GJC1: variants seen among roughly 807,000 people sequenced by gnomAD.
The protein encoded by GJC1 is gap junction gamma-1 protein.
In GJC1, 5 loss-of-function variants were observed where a neutral mutation model predicts 29.3. The ratio of observed to expected loss-of-function variants is 0.17; its 90% CI spans 0.09 to 0.36. The LOEUF is 0.36. GJC1 is among the 10% of genes least tolerant of loss of function. GJC1 has a pLI of 1.00. For missense variants in GJC1, 310 were observed against 496.2 expected, an observed-to-expected ratio of 0.62 and a Z score of 3.56; for synonymous variants, 177 against 183.3, an observed-to-expected ratio of 0.97 and a Z score of 0.28.
chr17:44,796,216 G>A (rs2049782492), downstream of GJC1, among the ~76,000 whole-genome samples: 1 of 152,216 alleles, frequency 6.6e-6, no homozygotes, highest in Non-Finnish European at 1.5e-5. Context: ...CAGGAACCAT[G>A]CCATCCTCTA....
chr17:44,814,180 G>A (rs986504076), intron 1 of GJC1, among the ~76,000 whole-genome samples: 5 of 151,866 alleles, frequency 3.3e-5, no homozygotes, highest in East Asian at 1.9e-4. Context: ...TTGCTCCGTC[G>A]CCCAGGCTGG....
intron 1 of GJC1, among the ~76,000 whole-genome samples, chr17:44,829,026 T>C (rs1010258865): frequency 6.6e-6 from 1 of 150,986 alleles, no homozygotes; most frequent in Non-Finnish European, 1.5e-5. Context: ...CACAAACATA[T>C]AACAAATTTA....
At chr17:44,817,984 G>A (rs1322278574) in intron 1 of GJC1, among the ~76,000 whole-genome samples, 2 of 152,038 alleles carry the variant, frequency 1.3e-5, no homozygotes, top group Admixed American at 1.3e-4. Context: ...AGGCCGAGGT[G>A]GGCGGATCAG....
chr17:44,819,720 C>CTAAAA (rs1387033377), intron 1 of GJC1, among the ~76,000 whole-genome samples: 1 of 151,840 alleles, frequency 6.6e-6, no homozygotes, highest in African/African-American at 2.4e-5. Context: ...AATTTCCTTC[C>CTAAAA]TTTTTAAGGC....
chr17:44,810,287 G>A (rs1028285500), intron 1 of GJC1, among the ~76,000 whole-genome samples: 9 of 152,216 alleles, frequency 5.9e-5, no homozygotes, highest in Non-Finnish European at 1.2e-4. Context: ...ATGAGCCATC[G>A]CGCCCGGCCA....
intron 1 of GJC1, among the ~76,000 whole-genome samples, chr17:44,827,374 T>C (rs2050187630): frequency 6.6e-6 from 1 of 152,100 alleles, no homozygotes; most frequent in Non-Finnish European, 1.5e-5. Flanking sequence ...CTGCTTTTTC[T>C]TTGCCTAAAT....
chr17:44,821,351 T>A (rs2050103445), intron 1 of GJC1, among the ~76,000 whole-genome samples: 1 of 152,142 alleles, frequency 6.6e-6, no homozygotes, highest in Admixed American at 6.6e-5. Context: ...AATAAATGTA[T>A]GATTTTCCAA....
intron 1 of GJC1, among the ~76,000 whole-genome samples, chr17:44,808,391 C>T (rs2049935055): frequency 6.6e-6 from 1 of 151,556 alleles, no homozygotes; most frequent in South Asian, 2.1e-4. Context: ...GTGGCCACTG[C>T]AGTCCAACCT....
At chr17:44,829,266 C>T (rs1338669579) in intron 1 of GJC1, among the ~76,000 whole-genome samples, 1 of 152,060 alleles carries the variant, frequency 6.6e-6, no homozygotes, top group African/African-American at 2.4e-5. Context: ...CATACATTCA[C>T]GTACATCTTT....
chr17:44,796,452 G>A (rs1375416210), downstream of GJC1, among the ~76,000 whole-genome samples: 2 of 152,226 alleles, frequency 1.3e-5, no homozygotes, highest in Non-Finnish European at 2.9e-5. Context: ...GGAGCCAGCA[G>A]TCATTCTGAG....
At chr17:44,823,649 T>C (rs1372135436) in intron 1 of GJC1, among the ~76,000 whole-genome samples, 1 of 152,036 alleles carries the variant, frequency 6.6e-6, no homozygotes, top group Non-Finnish European at 1.5e-5. Flanking sequence ...GCAATCCTCC[T>C]GCCATGACCT....
At chr17:44,812,008 C>A (rs918858977) in intron 1 of GJC1, among the ~76,000 whole-genome samples, 29 of 147,224 alleles carry the variant, frequency 2.0e-4, no homozygotes, top group African/African-American at 2.7e-4. Context: ...AAAAAAAAAA[C>A]AAAAAACAAA....
In GJC1 at chr17:44,800,245, A is replaced by C. The variant is rs1299119536; in HGVS notation, c.*4382T>G. On this transcript the variant is annotated 3_prime_UTR_variant, in exon 3 of 3. Coordinates refer to ENST00000592524, the MANE Select transcript of GJC1 (RefSeq NM_005497.4). ...CATCTCAGCCTCCTGAGTAGCTGGG[A>C]TTACAGGTACCCACCACCACGCCCG... 6.6e-6 allele frequency: 1 copy of C among 151,988 alleles called. No homozygotes were observed. Among genetic ancestry groups the C allele is most frequent in the African/African-American group, 2.4e-5 (1 of 41,360 alleles). The allele number at this position is 151,988 out of a possible 1,614,324, so 9.4% of individuals were successfully genotyped here. A position where few individuals can be genotyped will look rare whatever the true frequency, so the allele number is the denominator to read the frequency against.
At chr17:44,819,470 A>G (rs1001260852) in intron 1 of GJC1, among the ~76,000 whole-genome samples, 9 of 151,926 alleles carry the variant, frequency 5.9e-5, no homozygotes, top group Non-Finnish European at 1.3e-4. Context: ...CATCCTGGCT[A>G]ACACTGTGAA....
At chr17:44,825,130 G>A (rs959550893) in intron 1 of GJC1, among the ~76,000 whole-genome samples, 5 of 133,196 alleles carry the variant, frequency 3.8e-5, no homozygotes, top group African/African-American at 1.1e-4. Context: ...TGGAAGGATC[G>A]CTTGAGAGCA....
intron 1 of GJC1, among the ~76,000 whole-genome samples, chr17:44,821,697 CAAAAAAAAAAAAAA>C (rs61303163): frequency 5.1e-5 from 3 of 58,370 alleles, no homozygotes; most frequent in African/African-American, 1.6e-4. Flanking sequence ...AACTCCGTCT[CAAAAAAAAAAAAAA>C]AAAAAAAAAA....
At chr17:44,824,462 C>G (rs1251469891) in intron 1 of GJC1, among the ~76,000 whole-genome samples, 1 of 151,976 alleles carries the variant, frequency 6.6e-6, no homozygotes, top group East Asian at 1.9e-4. Context: ...CCACATCCAG[C>G]TAATTTTCAA....
chr17:44,806,961 A>G (rs2049919916), intron 2 of GJC1, among the ~76,000 whole-genome samples: 1 of 152,194 alleles, frequency 6.6e-6, no homozygotes, highest in Admixed American at 6.6e-5. Context: ...ACAGAAGGGA[A>G]CTAGGAAGAT....
chr17:44,814,538 C>T (rs2050020430), intron 1 of GJC1, among the ~76,000 whole-genome samples: 1 of 152,124 alleles, frequency 6.6e-6, no homozygotes, highest in Admixed American at 6.6e-5. Context: ...GATTCACTCA[C>T]TCACACACAA....
Sources: gnomAD v4.1 joint callset for allele counts (sites outside exome capture counted in the v4.1 genomes callset) on GRCh38, gnomAD v4.1.1 for gene constraint, MANE v1.5 for transcripts, NCBI Gene and HGNC (gene_info 2026-07-23, HGNC 2026-07-21) for gene names.